YTHDC1: variants seen among roughly 807,000 people sequenced by gnomAD.
YTHDC1 encodes YTH N6-methyladenosine RNA binding protein C1, also known as YTH domain-containing protein 1.
A neutral mutation model predicts 107.0 loss-of-function variants in YTHDC1; 12 were observed. The observed-to-expected ratio is 0.11, with a 90% confidence interval of 0.07 to 0.18. YTHDC1 has a LOEUF of 0.18. Among genes scored for constraint, YTHDC1 ranks in the 10% least tolerant of loss-of-function variants. The probability of loss-of-function intolerance (pLI) is 1.00; values close to 1 mark genes in which losing one functional copy is unlikely to be tolerated. For synonymous variants in YTHDC1, 280 were observed against 289.5 expected (o/e 0.97, Z 0.33); for missense variants, 635 against 898.8 (o/e 0.71, Z 3.75).
In YTHDC1 at chr4:68,333,297, A is replaced by C; in HGVS notation, c.973+11T>G. 5.6e-6 allele frequency: 9 copies of C among 1,598,316 alleles called. No individual in the cohort carries two copies. Among genetic ancestry groups the C allele is most frequent in the Non-Finnish European group, 7.7e-6 (9 of 1,170,360 alleles). On this transcript the variant is annotated intron_variant, in intron 5 of 16. Coordinates refer to ENST00000344157, the MANE Select transcript of YTHDC1 (RefSeq NM_001031732.4). The stretch of plus-strand genomic sequence containing the variant: ...AGAATCAAGTCAGATATGATCACAA[A>C]ATGAGAATACCTGCATATGACTCTG...
At chr4:68,329,492 T>C (rs897345136) in intron 9 of YTHDC1, among the ~76,000 whole-genome samples, 1 of 152,188 alleles carries the variant, frequency 6.6e-6, no homozygotes, top group African/African-American at 2.4e-5. Context: ...GAGCTTCTTG[T>C]GTACAATACT....
intron 1 of YTHDC1, among the ~76,000 whole-genome samples, chr4:68,342,019 T>C (rs1724858106): frequency 6.6e-6 from 1 of 152,184 alleles, no homozygotes; most frequent in Non-Finnish European, 1.5e-5. Flanking sequence ...GGCTATGTGA[T>C]ATATATAAAA....
intron 1 of YTHDC1, among the ~76,000 whole-genome samples, 178 bp downstream of exon 1, chr4:68,349,548 G>T (rs1227313228): frequency 6.6e-6 from 1 of 151,912 alleles, no homozygotes; most frequent in Non-Finnish European, 1.5e-5. Context: ...GACTGAGGAC[G>T]AAAGGGCAGG....
chr4:68,327,228 C>T (rs1723091753), intron 9 of YTHDC1, among the ~76,000 whole-genome samples: 1 of 151,822 alleles, frequency 6.6e-6, no homozygotes, highest in Non-Finnish European at 1.5e-5. Flanking sequence ...AAGAGCGAAA[C>T]TCCGTCTCAA....
Position 68,333,277 on chromosome 4 carries a change from C to G in YTHDC1, c.973+31G>C, listed in dbSNP as rs377458326. ...TTTCTAAAGCAGATTACATTAGAAT[C>G]AAGTCAGATATGATCACAAAATGAG... On this transcript the variant is annotated intron_variant, in intron 5 of 16. Coordinates refer to ENST00000344157, the MANE Select transcript of YTHDC1 (RefSeq NM_001031732.4). 3.3e-6 allele frequency: 5 copies of G among 1,537,476 alleles called. No homozygotes were observed. In the African/African-American group the frequency reaches 6.9e-5, roughly 21 times the overall value.
intron 4 of YTHDC1, among the ~76,000 whole-genome samples, chr4:68,334,575 G>C (rs1005563336): frequency 2.6e-5 from 4 of 151,878 alleles, no homozygotes; most frequent in Non-Finnish European, 4.4e-5. Flanking sequence ...TAGTTTTGGG[G>C]GCTTTTTTCA....
chr4:68,320,103 C>T lies in YTHDC1; in HGVS notation c.1684+20G>A. The T allele has an allele frequency of 6.4e-7, 1 of 1,554,128 alleles. No individual in the cohort carries two copies. The highest frequency in any genetic ancestry group is 8.8e-7 in the Non-Finnish European group (1 of 1,141,728). On this transcript the variant is annotated intron_variant, in intron 12 of 16. Transcript: ENST00000344157. ...CCAATAATTTGAAATCAAATATCTG[C>T]AGGATTATAAAATATTAACCTGGTC... is the stretch of plus-strand genomic sequence containing the variant.
chr4:68,341,374 A>ATT (rs2109738238), intron 1 of YTHDC1, among the ~76,000 whole-genome samples: 1 of 152,318 alleles, frequency 6.6e-6, no homozygotes, highest in Non-Finnish European at 1.5e-5. Context: ...ACATTACAAC[A>ATT]TTTAAAATCT....
intron 1 of YTHDC1, among the ~76,000 whole-genome samples, chr4:68,347,367 A>G (rs1725568317): frequency 6.6e-6 from 1 of 152,260 alleles, no homozygotes; most frequent in South Asian, 2.1e-4. Flanking sequence ...GTTAACACCA[A>G]CATTGCAACA....
At chr4:68,320,032 A>T in intron 12 of YTHDC1, 91 bp downstream of exon 12, 1 of 1,154,740 alleles carries the variant, frequency 8.7e-7, no homozygotes, top group Non-Finnish European at 1.2e-6. Context: ...TTTCACTTTT[A>T]AAACTGCAGG....
chr4:68,316,379 C>T lies in YTHDC1; in HGVS notation c.1894G>A (p.Ala632Thr), dbSNP rs1721859873. ...YYQHHAPPPQAHPPYSGHHPV... is the reference protein window; with the variant it reads ...YYQHHAPPPQTHPPYSGHHPV... ...TGATGTCCTGAGTAAGGGGGATGAGCTTGAGGAGGTGGAGCATGGTGCTGA... is the reference window on the plus strand; with the variant it reads ...TGATGTCCTGAGTAAGGGGGATGAGTTTGAGGAGGTGGAGCATGGTGCTGA... The change falls in exon 16 of 17, where the codon GCT becomes ACT. Residue 632 changes from alanine (A) to threonine (T), a missense_variant. Around this residue, in one of 5 missense-constraint regions of YTHDC1, gnomAD observed 256 missense variants for 372.9 expected, o/e 0.69. Transcript: ENST00000344157. 3 of 1,614,002 alleles carry T rather than the reference C, an allele frequency of 1.9e-6. No individual in the cohort carries two copies. The highest frequency in any genetic ancestry group is 1.1e-5 in the South Asian group (1 of 91,070).
Position 68,350,043 on chromosome 4 carries a change from G to T in YTHDC1, c.-290C>A, listed in dbSNP as rs979053337. On this transcript the variant is annotated 5_prime_UTR_variant, in exon 1 of 17. Transcript: ENST00000344157. ...GAAACAGATGGCGACGGCGGGCGGC[G>T]CTAAAATGGAGCCTGCTTCCTGCGC... 1.1e-5 allele frequency: 6 copies of T among 544,346 alleles called. No individual in the cohort carries two copies. The highest frequency in any genetic ancestry group is 2.0e-5 in the Non-Finnish European group (6 of 306,004). 33.7% of individuals were successfully genotyped at this position (544,346 alleles called of 1,614,324 possible).
chr4:68,329,586 T>C lies in YTHDC1; in HGVS notation c.1349+416A>G, dbSNP rs570438453. ...TATTTTTCTAATAAATACAGTTAAA[T>C]CTTAACTCAGTTTCAGAAGATCACA... On this transcript the variant is annotated intron_variant, in intron 9 of 16. Coordinates refer to ENST00000344157, the MANE Select transcript of YTHDC1 (RefSeq NM_001031732.4). Among the ~76,000 whole-genome samples, 5 of 152,286 alleles carry C rather than the reference T, an allele frequency of 3.3e-5. No homozygotes were observed. The South Asian group carries it at 8.3e-4, about 25-fold the overall frequency.
chr4:68,340,546 G>A (rs967077902), intron 1 of YTHDC1, among the ~76,000 whole-genome samples: 2 of 151,492 alleles, frequency 1.3e-5, no homozygotes, highest in African/African-American at 2.4e-5. Flanking sequence ...CACCATTTTC[G>A]GACTCTAAAT....
chr4:68,335,756 T>G (rs1724087571), intron 4 of YTHDC1, among the ~76,000 whole-genome samples: 1 of 151,782 alleles, frequency 6.6e-6, no homozygotes, highest in Admixed American at 6.6e-5. Flanking sequence ...AAAAAATATA[T>G]CCTATCAGTT....
intron 16 of YTHDC1, chr4:68,315,978 A>G (rs1315259662): frequency 6.0e-6 from 1 of 167,212 alleles, no homozygotes; most frequent in Admixed American, 6.4e-5. Flanking sequence ...ATACACAAAA[A>G]GTTCAGAAAT....
Position 68,324,154 on chromosome 4 carries a change from G to T in YTHDC1, c.1419C>A (p.Ile473=). The part of the protein sequence containing the change: ...NPWNEHKPVK[I]GRDGQEIELE... Reference sequence around the variant, plus strand: ...GGCCACAAACCTGTCCATCACGTCCGATCTTTACTGGTTTATGTTCATTCC... The same window carrying T: ...GGCCACAAACCTGTCCATCACGTCCTATCTTTACTGGTTTATGTTCATTCC... Residue 473 remains isoleucine, a synonymous_variant, in exon 10 of 17, where the codon ATC becomes ATA. Coordinates refer to ENST00000344157, the MANE Select transcript of YTHDC1 (RefSeq NM_001031732.4). 1 of 1,613,548 alleles carries T rather than the reference G, an allele frequency of 6.2e-7. No homozygotes were observed. The highest frequency in any genetic ancestry group is 8.5e-7 in the Non-Finnish European group (1 of 1,179,726).
intron 1 of YTHDC1, among the ~76,000 whole-genome samples, chr4:68,346,099 A>ATATG (rs961023477): frequency 2.1e-5 from 3 of 141,456 alleles, no homozygotes; most frequent in African/African-American, 8.2e-5. Context: ...ATATATATAT[A>ATATG]TACACACACA....
At chr4:68,346,120 A>G (rs1478189486) in intron 1 of YTHDC1, among the ~76,000 whole-genome samples, 1 of 135,956 alleles carries the variant, frequency 7.4e-6, no homozygotes, top group African/African-American at 2.9e-5. Context: ...CCTGCATGTA[A>G]CCGTCTGTAT....
Sources: gnomAD v4.1 joint callset for allele counts (sites outside exome capture counted in the v4.1 genomes callset) on GRCh38, gnomAD v4.1.1 for gene constraint, gnomAD v4.1.1 regional missense constraint, MANE v1.5 for transcripts, NCBI Gene and HGNC (gene_info 2026-07-23, HGNC 2026-07-21) for gene names.